The following KAZN variants were observed in gnomAD, a reference collection of about 807,000 sequenced individuals.
KAZN encodes the protein kazrin.
Under a neutral mutation model 87.4 loss-of-function variants are expected in KAZN, and 40 were observed. That is an observed-to-expected ratio of 0.46 (90% confidence interval 0.36 to 0.60). KAZN has a LOEUF of 0.60. Among genes scored for constraint, KAZN ranks in the 20% least tolerant of loss-of-function variants. The pLI, the probability that KAZN is intolerant of heterozygous loss-of-function variation, is 0.00. For synonymous variants in KAZN, 466 were observed against 458.3 expected (o/e 1.02, Z -0.22); for missense variants, 898 against 1,073.9 (o/e 0.84, Z 2.29).
At chr1:14,648,809 A>T (rs555055593) in intron 1 of KAZN, among the ~76,000 whole-genome samples, 1 of 152,298 alleles carries the variant, frequency 6.6e-6, no homozygotes, top group Non-Finnish European at 1.5e-5. Context: ...GTCATGTCCC[A>T]TTGGGAACCA....
chr1:14,736,299 GTATATTTTTT>G (rs1436582222), intron 1 of KAZN, among the ~76,000 whole-genome samples: 10 of 121,096 alleles, frequency 8.3e-5, no homozygotes, highest in African/African-American at 3.0e-4. Flanking sequence ...GTGTGTGTGT[GTATATTTTTT>G]TTTTTTGAGA....
chr1:14,426,397 C>T (rs565062892), intron 2 of KAZN, among the ~76,000 whole-genome samples: 5 of 152,252 alleles, frequency 3.3e-5, no homozygotes, highest in South Asian at 2.1e-4. Flanking sequence ...CCCTCAGCCC[C>T]GTTAGATTGT....
intron 1 of KAZN, among the ~76,000 whole-genome samples, chr1:14,013,610 G>C (rs540660907): frequency 6.6e-6 from 1 of 152,084 alleles, no homozygotes; most frequent in Non-Finnish European, 1.5e-5. Context: ...AGAAAGGAAG[G>C]GTTCGATGGA....
In KAZN at chr1:14,142,965, T is replaced by C. The variant is rs540413110; in HGVS notation, c.92-37470T>C. Among the ~76,000 whole-genome samples, 26 of 152,194 alleles carry C rather than the reference T, an allele frequency of 1.7e-4. 2 individuals are homozygous for C. The South Asian group carries it at 4.0e-3, about 23-fold the overall frequency. On this transcript the variant is annotated intron_variant, in intron 1 of 16. Coordinates refer to the KAZN transcript ENST00000636203. ...GACGGCCACCATGCCCTTATGCCCC[T>C]GAAAGGAAGGACCTGTCTAATTGAG...
chr1:14,005,902 A>G (rs999310983), intron 1 of KAZN, among the ~76,000 whole-genome samples: 1 of 152,182 alleles, frequency 6.6e-6, no homozygotes, highest in African/African-American at 2.4e-5. Flanking sequence ...AGGGCACTGT[A>G]GCATTCCCAC....
chr1:13,895,697 T>C (rs1639013329), intron 1 of KAZN, among the ~76,000 whole-genome samples: 1 of 152,172 alleles, frequency 6.6e-6, no homozygotes, highest in Non-Finnish European at 1.5e-5. Flanking sequence ...TGAAAATGAT[T>C]CGCAGACTCT....
At chr1:14,448,627 C>G (rs542250999) in intron 2 of KAZN, among the ~76,000 whole-genome samples, 4 of 152,220 alleles carry the variant, frequency 2.6e-5, no homozygotes, top group Non-Finnish European at 4.4e-5. Context: ...TTCCCAACAA[C>G]TCTTGACTGG....
chr1:14,573,503 C>T (rs571713376), intron 2 of KAZN, among the ~76,000 whole-genome samples: 127 of 152,096 alleles, frequency 8.3e-4, no homozygotes, highest in Non-Finnish European at 1.1e-3. Flanking sequence ...AAAAATTAGC[C>T]GGGGATGGTG....
intron 2 of KAZN, among the ~76,000 whole-genome samples, chr1:14,341,921 A>G (rs927829881): frequency 1.3e-5 from 2 of 152,144 alleles, no homozygotes; most frequent in African/African-American, 4.8e-5. Context: ...AGATTATTTC[A>G]TCACCCAGGT....
chr1:14,576,775 T>C (rs1675215704), intron 2 of KAZN, among the ~76,000 whole-genome samples: 1 of 151,920 alleles, frequency 6.6e-6, no homozygotes, highest in Non-Finnish European at 1.5e-5. Context: ...TATTTCTAAA[T>C]AGTAGCTGGT....
chr1:13,962,330 C>T (rs1183493266), intron 1 of KAZN, among the ~76,000 whole-genome samples: 1 of 151,992 alleles, frequency 6.6e-6, no homozygotes, highest in African/African-American at 2.4e-5. Context: ...AATACCTTGT[C>T]CCTATCTCTG....
intron 2 of KAZN, among the ~76,000 whole-genome samples, chr1:15,028,233 G>A (rs1360182331): frequency 6.6e-6 from 1 of 152,220 alleles, no homozygotes; most frequent in East Asian, 1.9e-4. Flanking sequence ...ATTCCCAGGA[G>A]CGGGCTGGTC....
chr1:14,689,409 T>C (rs1376863255), intron 1 of KAZN, among the ~76,000 whole-genome samples: 1 of 152,108 alleles, frequency 6.6e-6, no homozygotes, highest in Non-Finnish European at 1.5e-5. Flanking sequence ...AGAGGCCTCT[T>C]CCATATGCTG....
intron 2 of KAZN, among the ~76,000 whole-genome samples, chr1:14,339,120 G>A (rs559790199): frequency 3.0e-4 from 46 of 152,108 alleles, no homozygotes; most frequent in African/African-American, 1.0e-3. Context: ...GAGAGACAGA[G>A]AGAAAGAGGG....
chr1:14,916,419 C>A (rs1657825900), intron 1 of KAZN, among the ~76,000 whole-genome samples: 1 of 152,052 alleles, frequency 6.6e-6, no homozygotes, highest in Non-Finnish European at 1.5e-5. Context: ...CTCAGGTGAT[C>A]CACCTGCCTT....
rs12565982 is a variant in KAZN at position 14,951,783 on chromosome 1, C to T, written c.227-8901C>T. The stretch of plus-strand genomic sequence containing the variant: ...TGAGCCACCATACCCATCTGTGTCT[C>T]TGTCTTAAAGCTTTAACCCTCCAAG... On this transcript the variant is annotated intron_variant, in intron 1 of 14. Transcript: ENST00000376030. Among the ~76,000 whole-genome samples, 4 of 152,152 alleles carry T rather than the reference C, an allele frequency of 2.6e-5. No individual in the cohort carries two copies. In the East Asian group the frequency reaches 7.7e-4, roughly 29 times the overall value.
intron 1 of KAZN, among the ~76,000 whole-genome samples, chr1:14,696,965 C>T (rs759574092): frequency 2.6e-5 from 4 of 152,066 alleles, no homozygotes; most frequent in East Asian, 1.9e-4. Flanking sequence ...TTCCAGGTGA[C>T]GTTTCCTGGG....
chr1:14,633,148 C>T (rs1487749165), intron 1 of KAZN, among the ~76,000 whole-genome samples: 1 of 152,108 alleles, frequency 6.6e-6, no homozygotes, highest in African/African-American at 2.4e-5. Context: ...AACTCCTGAC[C>T]TCAAGTGATC....
At chr1:15,076,170 C>T (rs1333233643) in intron 8 of KAZN, among the ~76,000 whole-genome samples, 1 of 152,182 alleles carries the variant, frequency 6.6e-6, no homozygotes, top group Non-Finnish European at 1.5e-5. Flanking sequence ...AGACTTGAGA[C>T]AAGCCAGGAG....
Sources: gnomAD v4.1 joint callset for allele counts (sites outside exome capture counted in the v4.1 genomes callset) on GRCh38, gnomAD v4.1.1 for gene constraint, MANE v1.5 for transcripts, NCBI Gene and HGNC (gene_info 2026-07-23, HGNC 2026-07-21) for gene names.